CYSLTR2: variants seen among roughly 807,000 people sequenced by gnomAD.
CYSLTR2 encodes the protein cysteinyl leukotriene receptor 2, also known as G-protein coupled receptor GPCR21.
For missense variants in CYSLTR2, 398 were observed against 411.9 expected (o/e 0.97, Z 0.29); for synonymous variants, 179 against 160.8 (o/e 1.11, Z -0.86).
intron 1 of CYSLTR2, among the ~76,000 whole-genome samples, chr13:48,671,996 C>T (rs546017353): frequency 6.6e-6 from 1 of 151,964 alleles, no homozygotes; most frequent in East Asian, 1.9e-4. Flanking sequence ...TCCACTTCTT[C>T]CTGGTTTAGT....
In CYSLTR2 at chr13:48,710,708, C is replaced by A. The variant is rs907717295; in HGVS notation, c.*2850C>A. On this transcript the variant is annotated 3_prime_UTR_variant, in exon 5 of 5. Transcript: ENST00000682523. The stretch of plus-strand genomic sequence containing the variant: ...TGCAAAAATTATTTATTACACCCCA[C>A]GGTGTGTGATAAACACTTAGTTAAG... The A allele has an allele frequency of 6.6e-6, 1 of 152,152 alleles. No individual in the cohort carries two copies. The highest frequency in any genetic ancestry group is 2.4e-5 in the African/African-American group (1 of 41,418). 9.4% of individuals were successfully genotyped at this position (152,152 alleles called of 1,614,324 possible).
intron 4 of CYSLTR2, among the ~76,000 whole-genome samples, chr13:48,700,492 A>G (rs1954312340): frequency 6.6e-6 from 1 of 152,226 alleles, no homozygotes; most frequent in Admixed American, 6.5e-5. Context: ...AAAAGTGTCA[A>G]TAAACTAGGT....
intron 2 of CYSLTR2, among the ~76,000 whole-genome samples, 190 bp from the exon 3 acceptor site, chr13:48,693,248 G>T (rs1341982959): frequency 6.6e-6 from 1 of 151,820 alleles, no homozygotes; most frequent in African/African-American, 2.4e-5. Context: ...CCAAAAGATT[G>T]GGCTGTCACT....
At chr13:48,685,855 T>A (rs1425669235) in intron 1 of CYSLTR2, among the ~76,000 whole-genome samples, 3 of 152,180 alleles carry the variant, frequency 2.0e-5, no homozygotes, top group African/African-American at 7.2e-5. Flanking sequence ...AAAAAAGTTT[T>A]CAAGGTTAAA....
chr13:48,698,558 T>C (rs190499582), intron 4 of CYSLTR2, among the ~76,000 whole-genome samples: 1,617 of 152,318 alleles, frequency 0.011, 15 homozygotes, highest in Middle Eastern at 0.024. Flanking sequence ...TTCCAGCCAC[T>C]GCAAAAACAT....
chr13:48,684,696 T>G (rs932460509), intron 1 of CYSLTR2, among the ~76,000 whole-genome samples: 1 of 152,100 alleles, frequency 6.6e-6, no homozygotes, highest in Admixed American at 6.5e-5. Flanking sequence ...CCAAACAATA[T>G]GTCCAAGTCC....
chr13:48,707,827 G>C lies in CYSLTR2; in HGVS notation c.1010G>C (p.Ser337Thr), dbSNP rs749053455. The C allele has an allele frequency of 1.3e-6, 2 of 1,532,186 alleles. No individual in the cohort carries two copies. Among genetic ancestry groups the C allele is most frequent in the African/African-American group, 2.8e-5 (2 of 72,102 alleles). 94.9% of individuals were successfully genotyped at this position (1,532,186 alleles called of 1,614,324 possible). A position where few individuals can be genotyped will look rare whatever the true frequency, so the allele number is the denominator to read the frequency against. Reference sequence around the variant, plus strand: ...AAGACAAAGTGTGTTTTCCCTGTTAGTGTGTGGTTGAGAAAGGAAACAAGA... The same window carrying C: ...AAGACAAAGTGTGTTTTCCCTGTTACTGTGTGGTTGAGAAAGGAAACAAGA... ...KAKTKCVFPV[S>T]VWLRKETRV The change falls in exon 5 of 5, where the codon AGT becomes ACT. Residue 337 changes from serine (S) to threonine (T), a missense_variant. Transcript: ENST00000682523.
chr13:48,706,970 G>T lies in CYSLTR2; in HGVS notation c.153G>T (p.Trp51Cys), dbSNP rs996333793. Reference sequence around the variant, plus strand: ...TTGTATATCTGATAATATTTTTCTGGGGAGTCTTGGGAAATGGGTTGTCCA... The same window carrying T: ...TTGTATATCTGATAATATTTTTCTGTGGAGTCTTGGGAAATGGGTTGTCCA... ...FPIVYLIIFF[W>C]GVLGNGLSIY... is the part of the protein sequence containing the mutation. The change falls in exon 5 of 5, where the codon TGG becomes TGT. Residue 51 changes from tryptophan to cysteine, a missense_variant. Trp to Cys is a radical substitution (Grantham distance 215, BLOSUM62 -2). Coordinates refer to ENST00000682523, the MANE Select transcript of CYSLTR2 (RefSeq NM_001308476.3). 6.2e-7 allele frequency: 1 copy of T among 1,613,992 alleles called. No individual in the cohort carries two copies. Among genetic ancestry groups the T allele is most frequent in the Non-Finnish European group, 8.5e-7 (1 of 1,180,022 alleles).
intron 1 of CYSLTR2, among the ~76,000 whole-genome samples, chr13:48,685,339 G>A (rs910073543): frequency 2.6e-5 from 4 of 152,052 alleles, no homozygotes; most frequent in African/African-American, 4.8e-5. Flanking sequence ...AACCAATCAC[G>A]TGAAATTGTT....
At chr13:48,663,082 C>A (rs1186266201) in intron 1 of CYSLTR2, among the ~76,000 whole-genome samples, 1 of 152,088 alleles carries the variant, frequency 6.6e-6, no homozygotes, top group Non-Finnish European at 1.5e-5. Context: ...TTGCCCAGAA[C>A]CATTTATTCA....
chr13:48,693,602 G>A (rs1425909175), intron 3 of CYSLTR2, 92 bp downstream of exon 3: 2 of 149,978 alleles, frequency 1.3e-5, no homozygotes, highest in South Asian at 2.1e-4. Context: ...CCCGCTGCAG[G>A]TGAATAATAA....
In CYSLTR2 at chr13:48,696,142, A is replaced by G. The variant is rs139865491; in HGVS notation, c.-102-384A>G. 4.4e-3 allele frequency among the ~76,000 whole-genome samples: 670 copies of G among 152,336 alleles called. 3 individuals are homozygous for G. Among genetic ancestry groups the G allele is most frequent in the Middle Eastern group, 0.014 (4 of 294 alleles). On this transcript the variant is annotated intron_variant, in intron 3 of 4. Coordinates refer to ENST00000682523, the MANE Select transcript of CYSLTR2 (RefSeq NM_001308476.3). ...GGTTTTAATTTGCATTTCCCTAATG[A>G]CCAACAATGTTGAACAATTTTTTAT...
intron 3 of CYSLTR2, among the ~76,000 whole-genome samples, 199 bp from the exon 4 acceptor site, chr13:48,696,327 T>C (rs1008193587): frequency 6.6e-6 from 1 of 152,222 alleles, no homozygotes; most frequent in Non-Finnish European, 1.5e-5. Context: ...TTTGCAAATA[T>C]TCTCTCCCAG....
At chr13:48,670,868 C>A (rs1953408696) in intron 1 of CYSLTR2, among the ~76,000 whole-genome samples, 2 of 152,180 alleles carry the variant, frequency 1.3e-5, no homozygotes, top group Admixed American at 6.5e-5. Flanking sequence ...TTACTTTGCG[C>A]AGTATGGCCA....
chr13:48,684,448 C>G (rs1222508033), intron 1 of CYSLTR2, among the ~76,000 whole-genome samples: 1 of 151,486 alleles, frequency 6.6e-6, no homozygotes. Flanking sequence ...GAGGAGTTTA[C>G]TTTTTATACC....
chr13:48,695,224 G>T (rs552911482), intron 3 of CYSLTR2, among the ~76,000 whole-genome samples: 2 of 151,242 alleles, frequency 1.3e-5, no homozygotes, highest in African/African-American at 2.4e-5. Context: ...ACAGGCATGC[G>T]CCACCACGCC....
intron 1 of CYSLTR2, among the ~76,000 whole-genome samples, chr13:48,666,169 G>A (rs185996709): frequency 2.0e-5 from 3 of 152,042 alleles, no homozygotes; most frequent in Admixed American, 1.3e-4. Flanking sequence ...GCTTTGCTTG[G>A]TATAATATTC....
intron 4 of CYSLTR2, among the ~76,000 whole-genome samples, chr13:48,697,269 C>T (rs992509368): frequency 1.3e-5 from 2 of 152,100 alleles, no homozygotes; most frequent in Admixed American, 6.5e-5. Flanking sequence ...CAGTAGGGGC[C>T]GACTGACACC....
At chr13:48,662,550 C>A (rs1953156636) in intron 1 of CYSLTR2, among the ~76,000 whole-genome samples, 1 of 152,158 alleles carries the variant, frequency 6.6e-6, no homozygotes, top group Admixed American at 6.5e-5. Context: ...GCCATCCTAA[C>A]TGGGGTGAGA....
Sources: gnomAD v4.1 joint callset for allele counts (sites outside exome capture counted in the v4.1 genomes callset) on GRCh38, gnomAD v4.1.1 for gene constraint, MANE v1.5 for transcripts, NCBI Gene and HGNC (gene_info 2026-07-23, HGNC 2026-07-21) for gene names.